Variants in EPHA6 observed in about 807,000 individuals in gnomAD.
EPHA6 encodes ephrin type-A receptor 6.
In EPHA6, 50 loss-of-function variants were observed where a neutral mutation model predicts 112.0. The observed-to-expected ratio is 0.45, with a 90% confidence interval of 0.36 to 0.56. The LOEUF is 0.56. Among genes scored for constraint, EPHA6 ranks in the 20% least tolerant of loss-of-function variants. The pLI, the probability that EPHA6 is intolerant of heterozygous loss-of-function variation, is 0.00. For synonymous variants in EPHA6, 529 were observed against 490.7 expected (o/e 1.08, Z -1.03); for missense variants, 1,280 against 1,417.4 (o/e 0.90, Z 1.56).
At chr3:97,102,149 G>C (rs1167297073) in intron 3 of EPHA6, among the ~76,000 whole-genome samples, 1 of 152,036 alleles carries the variant, frequency 6.6e-6, no homozygotes, top group Non-Finnish European at 1.5e-5. Flanking sequence ...CTCATAGCTT[G>C]TGAGCTGCAT....
intron 2 of EPHA6, among the ~76,000 whole-genome samples, chr3:96,965,734 C>T (rs993515914): frequency 4.6e-5 from 7 of 152,046 alleles, no homozygotes; most frequent in African/African-American, 1.7e-4. Context: ...ATCCAGCCCT[C>T]GTTCAGCAAC....
chr3:97,366,506 AT>A (rs2084741371), intron 5 of EPHA6, among the ~76,000 whole-genome samples: 1 of 152,204 alleles, frequency 6.6e-6, no homozygotes, highest in South Asian at 2.1e-4. Context: ...CTGTGGTCAT[AT>A]ATACATGTGT....
chr3:97,553,090 C>T (rs1007568579), intron 11 of EPHA6, among the ~76,000 whole-genome samples: 8 of 151,996 alleles, frequency 5.3e-5, no homozygotes, highest in Admixed American at 6.6e-5. Context: ...CTTTTGCAGC[C>T]GGATTAATCT....
chr3:97,214,752 C>A lies in EPHA6; in HGVS notation c.1115-11512C>A, dbSNP rs115848245. Among the ~76,000 whole-genome samples the A allele has an allele frequency of 9.1e-3, 1,391 of 152,060 alleles. 13 individuals are homozygous for A. The highest frequency in any genetic ancestry group is 0.031 in the African/African-American group (1,287 of 41,484). On this transcript the variant is annotated intron_variant, in intron 3 of 17. Transcript: ENST00000389672. The stretch of plus-strand genomic sequence containing the variant: ...AATATACAAGCTTATTATTTATAGA[C>A]TTGGATTTGGTGAATTTGAGAATTT...
intron 5 of EPHA6, among the ~76,000 whole-genome samples, chr3:97,284,261 C>G (rs534094860): frequency 2.0e-5 from 3 of 152,220 alleles, no homozygotes; most frequent in African/African-American, 7.2e-5. Flanking sequence ...GCTTTTAAAT[C>G]TGTGCCCTTT....
chr3:97,222,256 G>A (rs1392135961), intron 3 of EPHA6, among the ~76,000 whole-genome samples: 1 of 152,026 alleles, frequency 6.6e-6, no homozygotes, highest in Non-Finnish European at 1.5e-5. Flanking sequence ...GAGAATGTGA[G>A]TGCCTCAATA....
At chr3:97,648,000 T>A (rs1482303937) in intron 14 of EPHA6, among the ~76,000 whole-genome samples, 1 of 152,124 alleles carries the variant, frequency 6.6e-6, no homozygotes, top group African/African-American at 2.4e-5. Context: ...TTCAGATTTT[T>A]AAAAAAATTC....
At chr3:97,382,214 A>C (rs1222125876) in intron 5 of EPHA6, among the ~76,000 whole-genome samples, 1 of 152,060 alleles carries the variant, frequency 6.6e-6, no homozygotes, top group Non-Finnish European at 1.5e-5. Context: ...GCCAAGAAAC[A>C]TAGCTTTTAT....
At chr3:96,963,448 T>C (rs968173693) in intron 2 of EPHA6, among the ~76,000 whole-genome samples, 7 of 152,188 alleles carry the variant, frequency 4.6e-5, no homozygotes, top group Non-Finnish European at 5.9e-5. Flanking sequence ...CTTTCCAATA[T>C]TGAGGACTTT....
At chr3:97,239,356 C>T (rs1040245629) in intron 4 of EPHA6, among the ~76,000 whole-genome samples, 1 of 151,678 alleles carries the variant, frequency 6.6e-6, no homozygotes, top group Non-Finnish European at 1.5e-5. Flanking sequence ...ATACAGTAGA[C>T]CCTTGAACAA....
intron 3 of EPHA6, among the ~76,000 whole-genome samples, chr3:96,994,693 ATGTG>A (rs1255806171): frequency 9.1e-6 from 1 of 109,898 alleles, no homozygotes; most frequent in Non-Finnish European, 1.8e-5. Context: ...GTGTGTGTGT[ATGTG>A]TGTGTGTGTG....
At chr3:97,743,284 T>A (rs910795991) in intron 16 of EPHA6, among the ~76,000 whole-genome samples, 1 of 152,018 alleles carries the variant, frequency 6.6e-6, no homozygotes, top group African/African-American at 2.4e-5. Context: ...CAAGTCTGAG[T>A]CATCACGTAT....
intron 3 of EPHA6, among the ~76,000 whole-genome samples, chr3:97,081,185 T>C (rs557590501): frequency 6.6e-6 from 1 of 151,870 alleles, no homozygotes; most frequent in African/African-American, 2.4e-5. Context: ...CAGATAAGAA[T>C]GCAGAATTAA....
At chr3:97,708,674 C>T (rs533550534) in intron 14 of EPHA6, among the ~76,000 whole-genome samples, 1 of 152,336 alleles carries the variant, frequency 6.6e-6, no homozygotes, top group Non-Finnish European at 1.5e-5. Flanking sequence ...CATGGCAGTT[C>T]TTCCCAACAC....
chr3:97,148,866 G>A (rs2076103202), intron 3 of EPHA6, among the ~76,000 whole-genome samples: 1 of 152,012 alleles, frequency 6.6e-6, no homozygotes, highest in Admixed American at 6.6e-5. Flanking sequence ...ACACATTTGA[G>A]GGGTGGGCAA....
chr3:97,671,270 A>G (rs1369109295), intron 14 of EPHA6, among the ~76,000 whole-genome samples: 1 of 152,068 alleles, frequency 6.6e-6, no homozygotes, highest in Non-Finnish European at 1.5e-5. Context: ...ACTTTATCCA[A>G]TCATCTCCTG....
rs188922508 is a variant in EPHA6, at chr3:97,274,018, A to T, written c.1606+29731A>T. ...TGAACAATCCCTGAGGGGTAGTAGA[A>T]TAGCAGATGGAACACTGAGAAGTGA... On this transcript the variant is annotated intron_variant, in intron 5 of 17. Coordinates refer to ENST00000389672, the MANE Select transcript of EPHA6 (RefSeq NM_001080448.3). Among the ~76,000 whole-genome samples the T allele has an allele frequency of 8.2e-4, 125 of 152,342 alleles. 1 individual carries two copies. Among genetic ancestry groups the T allele is most frequent in the African/African-American group, 3.0e-3 (123 of 41,584 alleles).
intron 3 of EPHA6, among the ~76,000 whole-genome samples, chr3:97,221,308 C>CAAAAAAA (rs57025573): frequency 1.2e-4 from 2 of 16,406 alleles, no homozygotes; most frequent in African/African-American, 1.3e-4. Context: ...GACTCTGTCT[C>CAAAAAAA]AAAAAAAAAA....
At chr3:97,696,319 C>CCT (rs1190370602) in intron 14 of EPHA6, among the ~76,000 whole-genome samples, 1 of 152,108 alleles carries the variant, frequency 6.6e-6, no homozygotes, top group East Asian at 1.9e-4. Flanking sequence ...GCATTGATGC[C>CCT]CTCTGAGCTT....
Sources: gnomAD v4.1 joint callset for allele counts (sites outside exome capture counted in the v4.1 genomes callset) on GRCh38, gnomAD v4.1.1 for gene constraint, MANE v1.5 for transcripts, NCBI Gene and HGNC (gene_info 2026-07-23, HGNC 2026-07-21) for gene names.